HS6ST3: variants seen among roughly 807,000 people sequenced by gnomAD.
HS6ST3 encodes the protein heparan-sulfate 6-O-sulfotransferase 3.
HS6ST3 carries 12 observed loss-of-function variants against 36.7 expected under a neutral mutation model. The ratio of observed to expected loss-of-function variants is 0.33; its 90% confidence interval spans 0.21 to 0.53. The LOEUF (loss-of-function observed/expected upper bound fraction) is 0.53. HS6ST3 is among the 20% of genes least tolerant of loss of function. The probability of loss-of-function intolerance (pLI) is 0.95; values close to 1 mark genes in which losing one functional copy is unlikely to be tolerated. For synonymous variants in HS6ST3, 240 were observed against 257.5 expected (o/e 0.93, Z 0.65); for missense variants, 584 against 640.9 (o/e 0.91, Z 0.96).
intron 1 of HS6ST3, among the ~76,000 whole-genome samples, chr13:96,475,871 G>T (rs1302680238): frequency 1.3e-5 from 2 of 152,090 alleles, no homozygotes; most frequent in Non-Finnish European, 2.9e-5. Flanking sequence ...ATGATGATTG[G>T]ATTAACCTCA....
chr13:96,600,052 A>T (rs758109667), intron 1 of HS6ST3, among the ~76,000 whole-genome samples: 17 of 152,008 alleles, frequency 1.1e-4, no homozygotes, highest in Non-Finnish European at 2.1e-4. Context: ...GTGGCTTATC[A>T]TATGGTCTAT....
At chr13:96,802,699 C>G (rs533714801) in intron 1 of HS6ST3, among the ~76,000 whole-genome samples, 2 of 152,274 alleles carry the variant, frequency 1.3e-5, no homozygotes, top group African/African-American at 4.8e-5. Flanking sequence ...GTTGCCCAAG[C>G]TATATAATCT....
chr13:96,331,556 G>A (rs911520160), intron 1 of HS6ST3, among the ~76,000 whole-genome samples: 3 of 151,732 alleles, frequency 2.0e-5, no homozygotes, highest in Admixed American at 6.6e-5. Flanking sequence ...CTCCAGCTGC[G>A]TGCTGGGAGA....
chr13:96,479,440 G>A (rs1003117034), intron 1 of HS6ST3, among the ~76,000 whole-genome samples: 4 of 152,266 alleles, frequency 2.6e-5, no homozygotes, highest in Middle Eastern at 3.4e-3. Flanking sequence ...GGGAATCATT[G>A]AATGATTTTA....
At chr13:96,266,156 T>A (rs1927797) in intron 1 of HS6ST3, among the ~76,000 whole-genome samples, 7,113 of 152,270 alleles carry the variant, frequency 0.047, 288 homozygotes, top group Admixed American at 0.12. Context: ...TCTAAGTAGT[T>A]GATATGTTGA....
intron 1 of HS6ST3, among the ~76,000 whole-genome samples, chr13:96,135,499 G>T (rs904669588): frequency 1.3e-5 from 2 of 152,138 alleles, no homozygotes; most frequent in Admixed American, 1.3e-4. Flanking sequence ...AAGAAAATTT[G>T]TTTGCTATTG....
chr13:96,357,747 C>G (rs1014782678), intron 1 of HS6ST3, among the ~76,000 whole-genome samples: 1 of 152,024 alleles, frequency 6.6e-6, no homozygotes, highest in Non-Finnish European at 1.5e-5. Context: ...GTCTCAAACT[C>G]CTGGCCTCAA....
intron 1 of HS6ST3, among the ~76,000 whole-genome samples, chr13:96,495,027 C>T (rs1594793556): frequency 6.6e-6 from 1 of 152,150 alleles, no homozygotes; most frequent in East Asian, 1.9e-4. Flanking sequence ...TTCTTTCCCT[C>T]CTCTGCCTTC....
At chr13:96,504,978 G>A (rs1473080894) in intron 1 of HS6ST3, among the ~76,000 whole-genome samples, 1 of 152,144 alleles carries the variant, frequency 6.6e-6, no homozygotes, top group Non-Finnish European at 1.5e-5. Context: ...TATTACCCTA[G>A]ATGAGAAAAT....
chr13:96,401,702 G>A (rs1381518299), intron 1 of HS6ST3, among the ~76,000 whole-genome samples: 2 of 152,068 alleles, frequency 1.3e-5, no homozygotes, highest in Non-Finnish European at 2.9e-5. Context: ...AGCCTCCCAA[G>A]TAGCTGGGAT....
At chr13:96,536,711 CAGGAT>C (rs2056156897) in intron 1 of HS6ST3, among the ~76,000 whole-genome samples, 1 of 152,160 alleles carries the variant, frequency 6.6e-6, no homozygotes. Context: ...TACCATTTTT[CAGGAT>C]AATCTGAAAC....
intron 1 of HS6ST3, among the ~76,000 whole-genome samples, chr13:96,576,287 C>T (rs888741927): frequency 1.3e-5 from 2 of 152,072 alleles, no homozygotes; most frequent in African/African-American, 2.4e-5. Context: ...ACTGGGTTCC[C>T]GCAGCCTGCC....
chr13:96,542,606 A>G (rs2138943029), intron 1 of HS6ST3, among the ~76,000 whole-genome samples: 1 of 152,234 alleles, frequency 6.6e-6, no homozygotes, highest in East Asian at 1.9e-4. Flanking sequence ...TCCCAGCCAC[A>G]GCCCCCTATA....
At chr13:96,704,651 C>T (rs7320712) in intron 1 of HS6ST3, among the ~76,000 whole-genome samples, 18,817 of 152,090 alleles carry the variant, frequency 0.12, 1,256 homozygotes, top group Admixed American at 0.19. Flanking sequence ...AAGAGTTGAT[C>T]TCATGGGGCT....
chr13:96,721,590 A>G (rs1453883504), intron 1 of HS6ST3, among the ~76,000 whole-genome samples: 3 of 152,188 alleles, frequency 2.0e-5, no homozygotes, highest in Non-Finnish European at 4.4e-5. Flanking sequence ...AGATTTCTCA[A>G]GTCATCCCCA....
intron 1 of HS6ST3, among the ~76,000 whole-genome samples, chr13:96,419,891 C>G (rs535673130): frequency 6.6e-6 from 1 of 152,298 alleles, no homozygotes; most frequent in East Asian, 1.9e-4. Context: ...ATGATCTCAT[C>G]TTAAATTGAT....
At chr13:96,387,672 A>G (rs1033023209) in intron 1 of HS6ST3, among the ~76,000 whole-genome samples, 1 of 152,190 alleles carries the variant, frequency 6.6e-6, no homozygotes, top group African/African-American at 2.4e-5. Flanking sequence ...GTTTACAGTC[A>G]TGGACCAACT....
intron 1 of HS6ST3, among the ~76,000 whole-genome samples, chr13:96,356,168 A>G (rs952928672): frequency 2.0e-5 from 3 of 152,062 alleles, no homozygotes; most frequent in Non-Finnish European, 4.4e-5. Context: ...TTCTACCCCA[A>G]CTGTGGTTAC....
chr13:96,249,833 G>A (rs1041071060), intron 1 of HS6ST3, among the ~76,000 whole-genome samples: 7 of 152,128 alleles, frequency 4.6e-5, no homozygotes, highest in African/African-American at 1.7e-4. Flanking sequence ...TATGAAATAA[G>A]CCAGATGCAA....
Sources: gnomAD v4.1 joint callset for allele counts (sites outside exome capture counted in the v4.1 genomes callset) on GRCh38, gnomAD v4.1.1 for gene constraint, MANE v1.5 for transcripts, NCBI Gene and HGNC (gene_info 2026-07-23, HGNC 2026-07-21) for gene names.